The following NCKAP5 variants were observed in gnomAD, a reference collection of about 807,000 sequenced individuals.
NCKAP5 encodes NCK associated protein 5, also known as nck-associated protein 5.
A neutral mutation model predicts 167.0 loss-of-function variants in NCKAP5; 92 were observed. The observed-to-expected ratio is 0.55, with a 90% CI of 0.47 to 0.66. The LOEUF is 0.66. Among genes scored for constraint, NCKAP5 ranks in the 30% least tolerant of loss-of-function variants. The pLI, the probability that NCKAP5 is intolerant of heterozygous loss-of-function variation, is 0.00. For synonymous variants in NCKAP5, 891 were observed against 877.4 expected, an observed-to-expected ratio of 1.02 and a Z score of -0.27; for missense variants, 2,378 against 2,315.0, an observed-to-expected ratio of 1.03 and a Z score of -0.56.
chr2:133,580,532 C>CT, the NCKAP5 span, among the ~76,000 whole-genome samples: 2 of 152,152 alleles, frequency 1.3e-5, no homozygotes, highest in African/African-American at 4.8e-5. Flanking sequence ...CTGCCTCTAC[C>CT]TTAGCCAACA....
intron 8 of NCKAP5, among the ~76,000 whole-genome samples, chr2:132,927,943 T>A (rs1403689603): frequency 2.6e-5 from 4 of 152,212 alleles, no homozygotes; most frequent in Non-Finnish European, 5.9e-5. Context: ...CTTTCTTGCA[T>A]GTTGACTCAT....
chr2:132,873,026 C>T (rs1690953064), intron 9 of NCKAP5, among the ~76,000 whole-genome samples: 1 of 152,142 alleles, frequency 6.6e-6, no homozygotes, highest in African/African-American at 2.4e-5. Context: ...AGCCGTCACC[C>T]CTAAATGTGA....
At chr2:133,431,801 CACA>C (rs1559480274) in intron 3 of NCKAP5, 1 of 152,030 alleles carries the variant, frequency 6.6e-6, no homozygotes, top group Non-Finnish European at 1.5e-5. Flanking sequence ...TAAGGAAAAA[CACA>C]ACTTCTTTTA....
rs1265519991 is a variant in NCKAP5 at position 133,213,738 on chromosome 2, T to A, written c.185A>T (p.Gln62Leu). Residue 62 changes from glutamine (Q) to leucine (L), a missense_variant, in exon 5 of 20, where the codon CAA becomes CTA. By Grantham distance (113) the Gln-to-Leu change is moderately radical. Coordinates refer to ENST00000409261, the MANE Select transcript of NCKAP5 (RefSeq NM_207363.3). ...AVARLQREVA[Q>L]RTSEGAMHEK... ...TACCATGGCCCCCTCACTTGTTCTTTGGGCAACTTCTCGCTGTAGTCGGGC... is the reference window on the plus strand; with the variant it reads ...TACCATGGCCCCCTCACTTGTTCTTAGGGCAACTTCTCGCTGTAGTCGGGC... 1 of 1,613,812 alleles carries A rather than the reference T, an allele frequency of 6.2e-7. No homozygotes were observed. Among genetic ancestry groups the A allele is most frequent in the Non-Finnish European group, 8.5e-7 (1 of 1,179,790 alleles).
chr2:133,230,977 C>A (rs1437166688), intron 4 of NCKAP5, among the ~76,000 whole-genome samples: 2 of 152,154 alleles, frequency 1.3e-5, no homozygotes, highest in African/African-American at 4.8e-5. Flanking sequence ...TTAGGGGATG[C>A]TGCTGCCAAC....
At chr2:133,656,874 C>G in the NCKAP5 span, among the ~76,000 whole-genome samples, 1 of 151,746 alleles carries the variant, frequency 6.6e-6, no homozygotes, top group Non-Finnish European at 1.5e-5. Context: ...ACATATCACC[C>G]AAGCAGTATA....
At chr2:133,263,205 C>T (rs2089006302) in intron 4 of NCKAP5, among the ~76,000 whole-genome samples, 1 of 150,834 alleles carries the variant, frequency 6.6e-6, no homozygotes, top group Admixed American at 6.6e-5. Context: ...AACTAAAATG[C>T]TGTAATATTT....
chr2:133,475,553 G>A (rs903860084), intron 3 of NCKAP5, among the ~76,000 whole-genome samples: 3 of 152,110 alleles, frequency 2.0e-5, no homozygotes, highest in Admixed American at 1.3e-4. Context: ...AAGAAAGATC[G>A]AATAAACAAA....
At chr2:133,296,813 T>A (rs1034807198) in intron 4 of NCKAP5, among the ~76,000 whole-genome samples, 1 of 152,208 alleles carries the variant, frequency 6.6e-6, no homozygotes, top group Non-Finnish European at 1.5e-5. Context: ...CTTCCTATTG[T>A]GTAGTATTAT....
At chr2:132,823,343 A>G (rs761860480) in intron 11 of NCKAP5, among the ~76,000 whole-genome samples, 14 of 152,220 alleles carry the variant, frequency 9.2e-5, no homozygotes, top group Admixed American at 3.3e-4. Flanking sequence ...TCAAATTAAC[A>G]GCAGACTTCT....
At chr2:132,801,407 T>C (rs966617655) in intron 11 of NCKAP5, among the ~76,000 whole-genome samples, 1 of 152,196 alleles carries the variant, frequency 6.6e-6, no homozygotes, top group Non-Finnish European at 1.5e-5. Flanking sequence ...TTTCTATGTA[T>C]ATATGTCATA....
the NCKAP5 span, among the ~76,000 whole-genome samples, chr2:133,621,264 C>T: frequency 6.6e-6 from 1 of 151,606 alleles, no homozygotes; most frequent in Non-Finnish European, 1.5e-5. Context: ...AAAGAAAGAA[C>T]AAAGATCAGA....
At chr2:132,684,737 T>C (rs1461970586) in intron 19 of NCKAP5, among the ~76,000 whole-genome samples, 1 of 152,174 alleles carries the variant, frequency 6.6e-6, no homozygotes, top group Non-Finnish European at 1.5e-5. Flanking sequence ...CAAGATGTTG[T>C]GTGACATGGC....
chr2:133,303,840 A>T (rs1419937274), intron 3 of NCKAP5, among the ~76,000 whole-genome samples: 2 of 152,168 alleles, frequency 1.3e-5, no homozygotes, highest in Non-Finnish European at 2.9e-5. Context: ...ATTACAATGG[A>T]TTTAATTTGT....
At chr2:133,211,001 C>A (rs1364926661) in intron 5 of NCKAP5, among the ~76,000 whole-genome samples, 1 of 149,878 alleles carries the variant, frequency 6.7e-6, no homozygotes, top group South Asian at 2.2e-4. Context: ...CTCCCTACCC[C>A]CCCAACCCCA....
intron 3 of NCKAP5, among the ~76,000 whole-genome samples, chr2:133,356,857 C>CT (rs1328039509): frequency 1.3e-5 from 2 of 152,138 alleles, no homozygotes; most frequent in African/African-American, 4.8e-5. Context: ...TAGAGGAGGC[C>CT]TTTAAACTAC....
At chr2:133,380,622 T>A (rs978928532) in intron 3 of NCKAP5, among the ~76,000 whole-genome samples, 1 of 152,194 alleles carries the variant, frequency 6.6e-6, no homozygotes, top group Non-Finnish European at 1.5e-5. Context: ...AATGTATCCA[T>A]CTCCATGTTG....
the NCKAP5 span, among the ~76,000 whole-genome samples, chr2:133,613,266 C>G: frequency 1.3e-5 from 2 of 152,150 alleles, no homozygotes; most frequent in African/African-American, 2.4e-5. Context: ...GGGGCCCATT[C>G]CACTCCTCTA....
intron 8 of NCKAP5, chr2:132,930,055 A>C (rs1197325098): frequency 6.6e-6 from 1 of 152,212 alleles, no homozygotes; most frequent in South Asian, 2.1e-4. Flanking sequence ...CAGTGATAAC[A>C]GCCTTGCAGA....
Sources: allele counts gnomAD v4.1 joint callset (sites outside exome capture counted in the v4.1 genomes callset), GRCh38; gene constraint gnomAD v4.1.1; transcripts MANE v1.5; gene names NCBI Gene and HGNC (gene_info 2026-07-23, HGNC 2026-07-21).